The following NRG1 variants were observed in gnomAD, a reference collection of about 807,000 sequenced individuals.
NRG1 encodes the protein pro-neuregulin-1, membrane-bound isoform.
Under a neutral mutation model 63.8 loss-of-function variants are expected in NRG1, and 18 were observed. That is an observed-to-expected ratio of 0.28 (90% confidence interval 0.19 to 0.42). The LOEUF (loss-of-function observed/expected upper bound fraction) is 0.42. NRG1 is among the 10% of genes least tolerant of loss of function. The pLI, the probability that NRG1 is intolerant of heterozygous loss-of-function variation, is 1.00. For missense variants in NRG1, 762 were observed against 814.7 expected (o/e 0.94, Z 0.79); for synonymous variants, 302 against 301.3 (o/e 1.00, Z -0.02).
chr8:31,730,274 A>C (rs1813889560), intron 1 of NRG1, among the ~76,000 whole-genome samples: 1 of 152,102 alleles, frequency 6.6e-6, no homozygotes, highest in South Asian at 2.1e-4. Context: ...ACTTCCTGAC[A>C]AATCCTTGGA....
intron 1 of NRG1, among the ~76,000 whole-genome samples, chr8:32,366,322 T>C (rs746014280): frequency 1.3e-5 from 2 of 152,066 alleles, no homozygotes; most frequent in Non-Finnish European, 2.9e-5. Context: ...ATTATACTCA[T>C]TAACCAACTT....
chr8:31,768,748 C>T (rs942952149), intron 1 of NRG1, among the ~76,000 whole-genome samples: 2 of 152,162 alleles, frequency 1.3e-5, no homozygotes, highest in Non-Finnish European at 2.9e-5. Context: ...ACTTGATGTT[C>T]CTAACTGGTC....
chr8:32,023,276 A>AGT (rs1348752182), intron 1 of NRG1, among the ~76,000 whole-genome samples: 1 of 152,230 alleles, frequency 6.6e-6, no homozygotes, highest in East Asian at 1.9e-4. Context: ...AATGGCCAAG[A>AGT]GTAGAAGGAT....
At chr8:32,494,006 C>A (rs1298891802) in intron 1 of NRG1, among the ~76,000 whole-genome samples, 2 of 152,056 alleles carry the variant, frequency 1.3e-5, no homozygotes, top group Non-Finnish European at 2.9e-5. Flanking sequence ...CCTTAATAAG[C>A]AGTCACCTCA....
intron 7 of NRG1, among the ~76,000 whole-genome samples, chr8:32,773,603 T>G (rs1162781552): frequency 6.6e-6 from 1 of 152,162 alleles, no homozygotes; most frequent in Non-Finnish European, 1.5e-5. Flanking sequence ...GTCCACACCC[T>G]CCTTCACAGC....
chr8:32,117,930 A>G (rs752588703), intron 1 of NRG1, among the ~76,000 whole-genome samples: 1 of 152,148 alleles, frequency 6.6e-6, no homozygotes, highest in Non-Finnish European at 1.5e-5. Flanking sequence ...AATCATTAGT[A>G]TTAGCAGATT....
chr8:32,205,066 T>C (rs889835207), intron 1 of NRG1, among the ~76,000 whole-genome samples: 4 of 152,148 alleles, frequency 2.6e-5, no homozygotes, highest in African/African-American at 7.2e-5. Flanking sequence ...CAAATAATCA[T>C]TGGAGAAGTA....
chr8:32,065,984 C>G (rs1394958558), intron 1 of NRG1, among the ~76,000 whole-genome samples: 8 of 152,202 alleles, frequency 5.3e-5, no homozygotes, highest in African/African-American at 1.9e-4. Context: ...TAAATGTCTT[C>G]TTTTGAGAAG....
rs1554593692 is a variant in NRG1 at position 31,987,320 on chromosome 8, A to ATATGTGTG, written c.37+347890_37+347891insATGTGTGT. ...TCAAAAAAAAAAAAAAAACATATAT[A>ATATGTGTG]TGTGTGTGTGTGTGTGTGTGTGTGT... On this transcript the variant is annotated intron_variant, in intron 1 of 10. Coordinates refer to the NRG1 transcript ENST00000519301. 4.8e-5 allele frequency among the ~76,000 whole-genome samples: 6 copies of ATATGTGTG among 125,824 alleles called. No homozygotes were observed. In the East Asian group the frequency reaches 1.3e-3, roughly 27 times the overall value. 82.5% of individuals were successfully genotyped at this position (125,824 alleles called of 152,430 possible).
chr8:32,491,476 G>A (rs566068997), intron 1 of NRG1, among the ~76,000 whole-genome samples: 1 of 152,230 alleles, frequency 6.6e-6, no homozygotes, highest in East Asian at 1.9e-4. Flanking sequence ...GATTAATTTG[G>A]TTGTGAGACT....
At chr8:31,949,769 T>C (rs539821290) in intron 1 of NRG1, among the ~76,000 whole-genome samples, 2 of 152,322 alleles carry the variant, frequency 1.3e-5, no homozygotes. Flanking sequence ...TCATGAAGCC[T>C]ATAGACTCGA....
Position 32,618,224 on chromosome 8 carries a change from C to T in NRG1, c.502+1339C>T, listed in dbSNP as rs1036393717. Among the ~76,000 whole-genome samples the T allele has an allele frequency of 4.0e-5, 6 of 150,812 alleles. No individual in the cohort carries two copies. The South Asian group carries it at 1.3e-3, about 32-fold the overall frequency. ...AGCTTTTTTTTTTTAAGTGTTTATTCTGCAGAAGCAAATACTAGGTTTTTC... is the reference window on the plus strand; with the variant it reads ...AGCTTTTTTTTTTTAAGTGTTTATTTTGCAGAAGCAAATACTAGGTTTTTC... On this transcript the variant is annotated intron_variant, in intron 5 of 11. Coordinates refer to ENST00000356819, the Ensembl canonical transcript of NRG1.
chr8:32,751,588 A>AT (rs1828740982), intron 7 of NRG1, among the ~76,000 whole-genome samples: 1 of 152,198 alleles, frequency 6.6e-6, no homozygotes, highest in Admixed American at 6.5e-5. Flanking sequence ...CCAAACCATG[A>AT]AAAATTCAAA....
At chr8:32,129,232 C>T (rs1473783085) in intron 1 of NRG1, among the ~76,000 whole-genome samples, 2 of 151,910 alleles carry the variant, frequency 1.3e-5, no homozygotes, top group African/African-American at 4.8e-5. Context: ...TCCTAGGGCT[C>T]CTATAACTAA....
At chr8:32,392,301 C>G (rs1297815760) in intron 1 of NRG1, among the ~76,000 whole-genome samples, 1 of 152,128 alleles carries the variant, frequency 6.6e-6, no homozygotes, top group Non-Finnish European at 1.5e-5. Context: ...TTTAGTAAAG[C>G]CCTTTATTGA....
chr8:32,683,417 C>T (rs1809227131), intron 5 of NRG1, among the ~76,000 whole-genome samples: 1 of 152,206 alleles, frequency 6.6e-6, no homozygotes. Context: ...TTGGCATCAA[C>T]TACTTCACAA....
At chr8:32,634,551 C>T (rs937553636) in intron 5 of NRG1, among the ~76,000 whole-genome samples, 2 of 152,218 alleles carry the variant, frequency 1.3e-5, no homozygotes, top group Non-Finnish European at 2.9e-5. Context: ...TAATATTCCA[C>T]ATTAAATCCT....
At chr8:31,800,928 C>T (rs1255570662) in intron 1 of NRG1, among the ~76,000 whole-genome samples, 1 of 148,078 alleles carries the variant, frequency 6.8e-6, no homozygotes, top group African/African-American at 2.5e-5. Context: ...GCAAGCTCCA[C>T]CTTCCAGGTT....
At chr8:32,140,366 T>G (rs1444485980) in intron 1 of NRG1, among the ~76,000 whole-genome samples, 1 of 152,156 alleles carries the variant, frequency 6.6e-6, no homozygotes, top group Non-Finnish European at 1.5e-5. Context: ...AAATTCTCCC[T>G]TTCAGTCAGG....
Sources: gnomAD v4.1 joint callset for allele counts (sites outside exome capture counted in the v4.1 genomes callset) on GRCh38, gnomAD v4.1.1 for gene constraint, MANE v1.5 for transcripts, NCBI Gene and HGNC (gene_info 2026-07-23, HGNC 2026-07-21) for gene names.